The following PTPRQ variants were observed in gnomAD, a reference collection of about 807,000 sequenced individuals.
PTPRQ encodes the protein phosphatidylinositol phosphatase PTPRQ.
In PTPRQ, 199 loss-of-function variants were observed where a neutral mutation model predicts 246.0. The ratio of observed to expected loss-of-function variants is 0.81; its 90% CI spans 0.72 to 0.91. PTPRQ has a LOEUF of 0.91. PTPRQ is among the 40% of genes least tolerant of loss of function. The pLI, the probability that PTPRQ is intolerant of heterozygous loss-of-function variation, is 0.00. For synonymous variants in PTPRQ, 869 were observed against 853.2 expected (o/e 1.02, Z -0.32); for missense variants, 2,624 against 2,528.4 (o/e 1.04, Z -0.81).
intron 33 of PTPRQ, among the ~76,000 whole-genome samples, chr12:80,625,895 A>G (rs1899184875): frequency 6.6e-6 from 1 of 152,160 alleles, no homozygotes; most frequent in Non-Finnish European, 1.5e-5. Flanking sequence ...CAGTTTATGG[A>G]AAGTGCTTGT....
intron 26 of PTPRQ, among the ~76,000 whole-genome samples, chr12:80,594,658 T>G (rs1339274819): frequency 6.6e-6 from 1 of 152,190 alleles, no homozygotes; most frequent in Non-Finnish European, 1.5e-5. Flanking sequence ...ACTATTCATC[T>G]AGTTGTTCAA....
Position 80,493,374 on chromosome 12 carries a change from C to T in PTPRQ, c.1459C>T (p.Leu487Phe). 7 of 1,550,190 alleles carry T rather than the reference C, an allele frequency of 4.5e-6. No individual in the cohort carries two copies. Among genetic ancestry groups the T allele is most frequent in the Non-Finnish European group, 6.1e-6 (7 of 1,145,968 alleles). Reference protein sequence around the residue: ...SAEMSSDLHSLATFIYNSHPD... With the variant: ...SAEMSSDLHSFATFIYNSHPD... The stretch of plus-strand genomic sequence containing the variant: ...AGAGATGTCGTCTGACCTTCACTCA[C>T]TTGCTACATTTATATATAACAGCCA... Residue 487 changes from leucine to phenylalanine, a missense_variant, in exon 10 of 45, where the codon CTT becomes TTT. Physicochemically the swap from Leu to Phe is conservative, Grantham distance 22. Coordinates refer to ENST00000644991, the MANE Select transcript of PTPRQ (RefSeq NM_001145026.2).
intron 3 of PTPRQ, 94 bp from the exon 4 acceptor site, chr12:80,457,481 A>G: frequency 2.5e-6 from 1 of 399,186 alleles, no homozygotes; most frequent in Non-Finnish European, 4.4e-6. Flanking sequence ...TTTGGCATTT[A>G]TCTTATGGAT....
intron 38 of PTPRQ, among the ~76,000 whole-genome samples, chr12:80,655,031 A>C (rs1434150089): frequency 6.6e-6 from 1 of 152,158 alleles, no homozygotes; most frequent in Non-Finnish European, 1.5e-5. Flanking sequence ...ATTTCAGTGC[A>C]TTATTATCTG....
rs1171117342 is a variant in PTPRQ at position 80,493,303 on chromosome 12, T to C, written c.1388T>C (p.Ile463Thr). The change falls in exon 10 of 45, where the codon ATT becomes ACT. Residue 463 changes from isoleucine (I) to threonine (T), a missense_variant. Transcript: ENST00000644991. ...EYINDPMAPE[I>T]VNIVEPMVGL... Reference sequence around the variant, plus strand: ...ATAAATGACCCCATGGCTCCAGAAATTGTGAACATAGTAGAGCCAATGGTA... The same window carrying C: ...ATAAATGACCCCATGGCTCCAGAAACTGTGAACATAGTAGAGCCAATGGTA... 4 of 1,540,280 alleles carry C rather than the reference T, an allele frequency of 2.6e-6. No homozygotes were observed. In the East Asian group the frequency reaches 7.4e-5, roughly 28 times the overall value.
chr12:80,504,652 C>G (rs903597800), intron 14 of PTPRQ, among the ~76,000 whole-genome samples: 2 of 151,730 alleles, frequency 1.3e-5, no homozygotes, highest in African/African-American at 4.8e-5. Context: ...TTGAGTTCCT[C>G]CAGCAAGTAT....
chr12:80,526,866 C>T (rs1895701934), intron 17 of PTPRQ, among the ~76,000 whole-genome samples: 1 of 151,538 alleles, frequency 6.6e-6, no homozygotes, highest in Non-Finnish European at 1.5e-5. Context: ...ATATTTGAAA[C>T]TATTGAAGAA....
intron 8 of PTPRQ, among the ~76,000 whole-genome samples, chr12:80,480,700 C>T (rs915944963): frequency 1.1e-4 from 17 of 152,108 alleles, no homozygotes; most frequent in East Asian, 1.9e-4. Flanking sequence ...ATATCACCAC[C>T]GATCCCACAG....
chr12:80,516,742 A>G (rs1157307440), intron 17 of PTPRQ, among the ~76,000 whole-genome samples: 1 of 152,230 alleles, frequency 6.6e-6, no homozygotes, highest in African/African-American at 2.4e-5. Context: ...TGGTTACTGC[A>G]TATAATATAG....
At chr12:80,586,446 T>C (rs1287509859) in intron 25 of PTPRQ, among the ~76,000 whole-genome samples, 5 of 151,188 alleles carry the variant, frequency 3.3e-5, no homozygotes, top group African/African-American at 1.2e-4. Context: ...ACACTGTTGG[T>C]GGGACTGTAA....
intron 25 of PTPRQ, among the ~76,000 whole-genome samples, chr12:80,565,883 AG>A (rs145200872): frequency 3.0e-3 from 463 of 152,318 alleles, no homozygotes; most frequent in Middle Eastern, 6.8e-3. Flanking sequence ...AAGTTTGAGG[AG>A]GGAGCTATTT....
At position 80,495,039 on chromosome 12, in the gene PTPRQ, C is replaced by T; in HGVS notation, c.1647C>T (p.Phe549=). Reference sequence around the variant, plus strand: ...AGCACATGATTAGTGTATCTGCTTTCACCATCATGGGAGAAGGACCACCAA... The same window carrying T: ...AGCACATGATTAGTGTATCTGCTTTTACCATCATGGGAGAAGGACCACCAA... ...FTEHMISVSA[F]TIMGEGPPTV... Residue 549 remains phenylalanine (F), a synonymous_variant, in exon 11 of 45, where the codon TTC becomes TTT. Transcript: ENST00000644991. The T allele has an allele frequency of 6.4e-7, 1 of 1,550,538 alleles. No individual in the cohort carries two copies. Among genetic ancestry groups the T allele is most frequent in the Non-Finnish European group, 8.7e-7 (1 of 1,146,256 alleles).
At chr12:80,668,059 A>G (rs1182898339) in intron 39 of PTPRQ, among the ~76,000 whole-genome samples, 1 of 151,926 alleles carries the variant, frequency 6.6e-6, no homozygotes, top group Non-Finnish European at 1.5e-5. Flanking sequence ...TTTTTTGTAT[A>G]TTACTATTCT....
intron 25 of PTPRQ, among the ~76,000 whole-genome samples, chr12:80,582,685 C>T (rs1031758138): frequency 6.6e-6 from 1 of 152,088 alleles, no homozygotes; most frequent in Admixed American, 6.6e-5. Flanking sequence ...TTGTAAATCA[C>T]TCAGTCTATA....
chr12:80,526,904 G>A (rs190347339), intron 17 of PTPRQ, among the ~76,000 whole-genome samples: 32 of 152,082 alleles, frequency 2.1e-4, no homozygotes, highest in Admixed American at 3.3e-4. Flanking sequence ...CTTTAGTAAA[G>A]TGGAAGGGCA....
intron 25 of PTPRQ, among the ~76,000 whole-genome samples, chr12:80,556,800 C>T (rs888115756): frequency 2.0e-5 from 3 of 152,026 alleles, no homozygotes; most frequent in Non-Finnish European, 4.4e-5. Flanking sequence ...TTTCAAGATA[C>T]AGCAAGAGAA....
intron 26 of PTPRQ, among the ~76,000 whole-genome samples, chr12:80,601,333 A>G (rs902529675): frequency 2.0e-5 from 3 of 151,878 alleles, no homozygotes; most frequent in Middle Eastern, 3.4e-3. Context: ...AGTGCCTGGC[A>G]TGCCATAGGT....
At chr12:80,547,763 A>G (rs1408944936) in intron 24 of PTPRQ, among the ~76,000 whole-genome samples, 1 of 152,142 alleles carries the variant, frequency 6.6e-6, no homozygotes, top group Non-Finnish European at 1.5e-5. Context: ...TGTCAAAAAT[A>G]TTTGGAAAGA....
intron 3 of PTPRQ, chr12:80,454,437 T>A (rs1892899752): frequency 4.4e-6 from 3 of 681,604 alleles, no homozygotes; most frequent in African/African-American, 1.8e-5. Flanking sequence ...CAGATGGAAA[T>A]GCAGAAATGG....
Sources: gnomAD v4.1 joint callset for allele counts (sites outside exome capture counted in the v4.1 genomes callset) on GRCh38, gnomAD v4.1.1 for gene constraint, MANE v1.5 for transcripts, NCBI Gene and HGNC (gene_info 2026-07-23, HGNC 2026-07-21) for gene names.